IL1RAPL2: variants seen among roughly 807,000 people sequenced by gnomAD.
IL1RAPL2 encodes interleukin 1 receptor accessory protein like 2, also known as X-linked interleukin-1 receptor accessory protein-like 2.
In IL1RAPL2, 3 loss-of-function variants were observed where a neutral mutation model predicts 44.1. The ratio of observed to expected loss-of-function variants is 0.07; its 90% CI spans 0.03 to 0.18. IL1RAPL2 has a LOEUF of 0.18. IL1RAPL2 is among the 10% of genes least tolerant of loss of function. The probability of loss-of-function intolerance (pLI) is 1.00; values close to 1 mark genes in which losing one functional copy is unlikely to be tolerated. For missense variants in IL1RAPL2, 391 were observed against 496.4 expected (o/e 0.79, Z 2.02); for synonymous variants, 181 against 178.8 (o/e 1.01, Z -0.10).
intron 6 of IL1RAPL2, among the ~76,000 whole-genome samples, chrX:105,554,594 G>C (rs761038099): frequency 1.1e-4 from 12 of 110,892 alleles, no homozygotes; most frequent in Non-Finnish European, 1.7e-4. Flanking sequence ...ACGGGTCGCT[G>C]ATAATCTGTT....
intron 4 of IL1RAPL2, among the ~76,000 whole-genome samples, chrX:105,239,805 A>G (rs782668652): frequency 2.2e-4 from 25 of 111,366 alleles, no homozygotes; most frequent in Admixed American, 5.7e-4. Context: ...TGAGTTCTAG[A>G]TTGTGAAGGG....
intron 2 of IL1RAPL2, among the ~76,000 whole-genome samples, chrX:104,680,438 C>T (rs1930871656): frequency 9.0e-6 from 1 of 111,303 alleles, no homozygotes; most frequent in Admixed American, 9.6e-5. Context: ...TCAGGGATAA[C>T]TTTATAAGCA....
At chrX:105,477,872 G>A (rs1474666667) in intron 5 of IL1RAPL2, among the ~76,000 whole-genome samples, 2 of 111,998 alleles carry the variant, frequency 1.8e-5, no homozygotes, top group African/African-American at 6.5e-5. Flanking sequence ...AGAGCCCATG[G>A]AATGGTTGCT....
chrX:105,329,933 G>A (rs1333817104), intron 5 of IL1RAPL2, among the ~76,000 whole-genome samples: 2 of 110,967 alleles, frequency 1.8e-5, no homozygotes, highest in Non-Finnish European at 3.8e-5. Context: ...GTGACTACTA[G>A]AAAATTTAAA....
At chrX:105,495,784 T>G (rs942861251) in intron 6 of IL1RAPL2, among the ~76,000 whole-genome samples, 7 of 109,495 alleles carry the variant, frequency 6.4e-5, no homozygotes, top group Non-Finnish European at 1.3e-4. Context: ...AAAACTGCTG[T>G]AAACCAAAAA....
At chrX:104,727,638 G>A (rs1330846875) in intron 2 of IL1RAPL2, among the ~76,000 whole-genome samples, 1 of 111,509 alleles carries the variant, frequency 9.0e-6, no homozygotes, top group Non-Finnish European at 1.9e-5. Flanking sequence ...GTACTCATAT[G>A]TTGATTGCAG....
chrX:105,556,426 C>A, intron 6 of IL1RAPL2, among the ~76,000 whole-genome samples: 1 of 111,002 alleles, frequency 9.0e-6, no homozygotes, highest in East Asian at 2.8e-4. Context: ...CACAAAACTC[C>A]ATCTTTTGAG....
At position 104,964,502 on chromosome X, in the gene IL1RAPL2, G is replaced by A. The variant is rs903213363; in HGVS notation, c.83-230973G>A. On this transcript the variant is annotated intron_variant, in intron 2 of 10. Coordinates refer to ENST00000372582, the MANE Select transcript of IL1RAPL2 (RefSeq NM_017416.2). ...AATTTTTTGTATTTTTAGTAGAGAC[G>A]GGGTTTCACCGTGTTAGCCAGGATG... Among the ~76,000 whole-genome samples the A allele has an allele frequency of 1.0e-4, 11 of 108,681 alleles. No individual in the cohort carries two copies. The East Asian group carries it at 2.6e-3, about 26-fold the overall frequency. 94.4% of individuals were successfully genotyped at this position (108,681 alleles called of 115,157 possible). A position where few individuals can be genotyped will look rare whatever the true frequency, so the allele number is the denominator to read the frequency against.
Position 104,716,270 on chromosome X carries a change from A to G in IL1RAPL2, c.82+57275A>G, listed in dbSNP as rs747652252. The stretch of plus-strand genomic sequence containing the variant: ...TAGATCCCTTCCTTACACCACATAC[A>G]AAGATTAACTAAGATGGATTAAAGA... On this transcript the variant is annotated intron_variant, in intron 2 of 10. Transcript: ENST00000372582. Among the ~76,000 whole-genome samples the G allele has an allele frequency of 8.0e-5, 9 of 111,943 alleles. No homozygotes were observed. The East Asian group carries it at 1.7e-3, about 21-fold the overall frequency.
intron 5 of IL1RAPL2, among the ~76,000 whole-genome samples, chrX:105,441,808 A>C (rs1326981344): frequency 1.8e-5 from 2 of 110,866 alleles, no homozygotes; most frequent in Non-Finnish European, 3.8e-5. Context: ...TGTATGTGTG[A>C]AGTTGACTGT....
chrX:105,038,265 G>C (rs1487917171), intron 2 of IL1RAPL2, among the ~76,000 whole-genome samples: 1 of 111,321 alleles, frequency 9.0e-6, no homozygotes, highest in African/African-American at 3.3e-5. Context: ...TAACTTCCCT[G>C]TCCTCTTTAT....
chrX:105,354,020 A>C lies in IL1RAPL2; in HGVS notation c.697+86479A>C, dbSNP rs184539568. Among the ~76,000 whole-genome samples the C allele has an allele frequency of 9.2e-3, 1,019 of 110,967 alleles. 5 individuals are homozygous for C. The highest frequency in any genetic ancestry group is 0.013 in the Non-Finnish European group (694 of 52,987). On this transcript the variant is annotated intron_variant, in intron 5 of 10. Coordinates refer to ENST00000372582, the MANE Select transcript of IL1RAPL2 (RefSeq NM_017416.2). ...ATCCCTGTCTTGTGCCAGTTTTCAAAGGGAATGCTTCCAGTTTTTGCCCAT... is the reference window on the plus strand; with the variant it reads ...ATCCCTGTCTTGTGCCAGTTTTCAACGGGAATGCTTCCAGTTTTTGCCCAT...
intron 5 of IL1RAPL2, among the ~76,000 whole-genome samples, chrX:105,464,562 T>C (rs935506184): frequency 4.5e-5 from 5 of 111,624 alleles, no homozygotes; most frequent in Non-Finnish European, 9.4e-5. Flanking sequence ...TTGAAATAAA[T>C]GCGAGCTATA....
intron 6 of IL1RAPL2, among the ~76,000 whole-genome samples, chrX:105,683,548 CA>C (rs35790786): frequency 0.29 from 17,360 of 60,346 alleles, 3,298 homozygotes; most frequent in African/African-American, 0.67. Flanking sequence ...ATAGAACCTA[CA>C]AAAAAAAAAG....
At chrX:105,531,768 T>C (rs749503127) in intron 6 of IL1RAPL2, among the ~76,000 whole-genome samples, 9 of 112,045 alleles carry the variant, frequency 8.0e-5, no homozygotes, top group Admixed American at 2.8e-4. Flanking sequence ...TTCATTCTCC[T>C]ACATATGGAT....
At chrX:104,833,783 G>T (rs1414686795) in intron 2 of IL1RAPL2, among the ~76,000 whole-genome samples, 1 of 112,174 alleles carries the variant, frequency 8.9e-6, no homozygotes, top group Non-Finnish European at 1.9e-5. Context: ...ATCTACTGAG[G>T]ATAAGTGACT....
intron 6 of IL1RAPL2, among the ~76,000 whole-genome samples, chrX:105,697,774 T>G (rs1159316332): frequency 8.9e-6 from 1 of 111,910 alleles, no homozygotes; most frequent in African/African-American, 3.2e-5. Context: ...GTTTGAGTTG[T>G]GTACAAATGC....
intron 5 of IL1RAPL2, among the ~76,000 whole-genome samples, chrX:105,473,680 T>C (rs2036179307): frequency 8.9e-6 from 1 of 111,948 alleles, no homozygotes; most frequent in Non-Finnish European, 1.9e-5. Flanking sequence ...AATGCCTAAT[T>C]AGTTTGAAAA....
At chrX:105,700,318 AT>A (rs2038109607) in intron 6 of IL1RAPL2, among the ~76,000 whole-genome samples, 1 of 112,100 alleles carries the variant, frequency 8.9e-6, no homozygotes, top group Non-Finnish European at 1.9e-5. Context: ...AGCTTAAATT[AT>A]TGGAGATAAT....
Sources: allele counts gnomAD v4.1 joint callset (sites outside exome capture counted in the v4.1 genomes callset), GRCh38; gene constraint gnomAD v4.1.1; transcripts MANE v1.5; gene names NCBI Gene and HGNC (gene_info 2026-07-23, HGNC 2026-07-21).